The following ELK4 variants were observed in gnomAD, a reference collection of about 807,000 sequenced individuals.
The protein encoded by ELK4 is ETS domain-containing protein Elk-4.
A neutral mutation model predicts 29.6 loss-of-function variants in ELK4; 16 were observed. That is an observed-to-expected ratio of 0.54 (90% CI 0.37 to 0.82). The LOEUF is 0.82. Among genes scored for constraint, ELK4 ranks in the 40% least tolerant of loss-of-function variants. The pLI, the probability that ELK4 is intolerant of heterozygous loss-of-function variation, is 0.00. For synonymous variants in ELK4, 213 were observed against 191.1 expected, an observed-to-expected ratio of 1.11 and a Z score of -0.95; for missense variants, 465 against 507.1, an observed-to-expected ratio of 0.92 and a Z score of 0.80.
chr1:205,620,286 G>C lies in ELK4; in HGVS notation c.760C>G (p.Pro254Ala), dbSNP rs1211954609. 7 of 1,614,216 alleles carry C rather than the reference G, an allele frequency of 4.3e-6. No individual in the cohort carries two copies. Among genetic ancestry groups the C allele is most frequent in the Non-Finnish European group, 5.9e-6 (7 of 1,180,028 alleles). The change falls in exon 3 of 5, where the codon CCC becomes GCC. Residue 254 changes from proline (P) to alanine (A), a missense_variant. By Grantham distance (27) the Pro-to-Ala change is conservative. Around this residue, in one of 2 missense-constraint regions of ELK4, gnomAD observed 385 missense variants for 387.5 expected, o/e 0.99. Coordinates refer to ENST00000357992, the MANE Select transcript of ELK4 (RefSeq NM_001973.4). ...NVMTAFATTP[P>A]ISSIPPLQEP... ...TGCAAAGGGGGTATGGACGAAATGG[G>C]TGGTGTGGTGGCAAAAGCAGTCATT...
rs1254785928 is a variant in ELK4, at chr1:205,613,307, AAAATT to A, written c.*3234_*3238del. 2.6e-5 allele frequency: 5 copies of A among 192,492 alleles called. No homozygotes were observed. Among genetic ancestry groups the A allele is most frequent in the East Asian group, 2.5e-4 (3 of 12,206 alleles). The allele number at this position is 192,492 out of a possible 1,614,324, so 11.9% of individuals were successfully genotyped here. On this transcript the variant is annotated 3_prime_UTR_variant, in exon 5 of 5. Coordinates refer to ENST00000357992, the MANE Select transcript of ELK4 (RefSeq NM_001973.4). ...TAACACACCAAGACTCCATCTCTAA[AAAATT>A]AAATTAAAGGATTACTGAAAGATCT...
rs1038439090 is a variant in ELK4 at position 205,609,669 on chromosome 1, G to C, written c.*6877C>G. On this transcript the variant is annotated 3_prime_UTR_variant, in exon 5 of 5. Transcript: ENST00000357992. ...AACAAAACAATGAAATGTCAGGATT[G>C]TGTCCCCTACACAATAGACAATAAG... The C allele has an allele frequency of 7.3e-5, 15 of 206,352 alleles. No homozygotes were observed. Among genetic ancestry groups the C allele is most frequent in the African/African-American group, 3.4e-4 (15 of 43,852 alleles). 12.8% of individuals were successfully genotyped at this position (206,352 alleles called of 1,614,324 possible).
At chr1:205,619,616 T>G (rs1391696247) in intron 3 of ELK4, 1 of 1,300,862 alleles carries the variant, frequency 7.7e-7, no homozygotes, top group Non-Finnish European at 9.7e-7. Flanking sequence ...CAGGACCTAC[T>G]GTTTTCTAAC....
At position 205,623,656 on chromosome 1, in the gene ELK4, A is replaced by T; in HGVS notation, c.207+20T>A. 6.2e-7 allele frequency: 1 copy of T among 1,612,750 alleles called. No individual in the cohort carries two copies. Among genetic ancestry groups the T allele is most frequent in the East Asian group, 2.2e-5 (1 of 44,862 alleles). ...TGTCTGGAGGTTCTCTGTATAGTAT[A>T]AGATCAGGATGTGTACTACCTTTAC... On this transcript the variant is annotated intron_variant, in intron 2 of 4. Coordinates refer to ENST00000357992, the MANE Select transcript of ELK4 (RefSeq NM_001973.4).
intron 1 of ELK4, among the ~76,000 whole-genome samples, chr1:205,627,937 A>G (rs1235965566): frequency 6.6e-6 from 1 of 152,256 alleles, no homozygotes; most frequent in East Asian, 1.9e-4. Flanking sequence ...CACAGTCAGA[A>G]TTCATGGAAA....
chr1:205,619,710 T>G lies in ELK4; in HGVS notation c.1080+256A>C, dbSNP rs140938481. ...AGCGAGAGAGTGTGTGTACTTTCTT[T>G]AGGAGGAAATAGAAAAATCAAAATA... On this transcript the variant is annotated intron_variant, in intron 3 of 4. Transcript: ENST00000357992. The G allele has an allele frequency of 1.1e-4, 157 of 1,438,112 alleles. No homozygotes were observed. The East Asian group carries it at 3.7e-3, about 34-fold the overall frequency. The allele number at this position is 1,438,112 out of a possible 1,614,324, so 89.1% of individuals were successfully genotyped here.
chr1:205,613,764 A>G lies in ELK4; in HGVS notation c.*2782T>C, dbSNP rs1670189347. The G allele has an allele frequency of 4.9e-6, 1 of 202,544 alleles. No homozygotes were observed. Among genetic ancestry groups the G allele is most frequent in the Non-Finnish European group, 1.0e-5 (1 of 98,794 alleles). The allele number at this position is 202,544 out of a possible 1,614,324, so 12.5% of individuals were successfully genotyped here. On this transcript the variant is annotated 3_prime_UTR_variant, in exon 5 of 5. Coordinates refer to ENST00000357992, the MANE Select transcript of ELK4 (RefSeq NM_001973.4). Reference sequence around the variant, plus strand: ...AGAAGGAAAGCTAAGGTATCAGAGAAGATGTCTCAAAACCCCATTCAATCT... The same window carrying G: ...AGAAGGAAAGCTAAGGTATCAGAGAGGATGTCTCAAAACCCCATTCAATCT...
At chr1:205,621,844 A>T (rs1422343935) in intron 2 of ELK4, among the ~76,000 whole-genome samples, 2 of 151,956 alleles carry the variant, frequency 1.3e-5, no homozygotes, top group Non-Finnish European at 2.9e-5. Flanking sequence ...AGAACATAGT[A>T]TCTGTTAAGG....
At chr1:205,628,618 T>C (rs1275626321) in intron 1 of ELK4, among the ~76,000 whole-genome samples, 1 of 152,230 alleles carries the variant, frequency 6.6e-6, no homozygotes, top group East Asian at 1.9e-4. Flanking sequence ...GCCTCAGCTA[T>C]ACATCTAAAG....
chr1:205,612,333 G>A lies in ELK4; in HGVS notation c.*4213C>T. 1 of 213,706 alleles carries A rather than the reference G, an allele frequency of 4.7e-6. No individual in the cohort carries two copies. Among genetic ancestry groups the A allele is most frequent in the East Asian group, 7.0e-5 (1 of 14,238 alleles). 13.2% of individuals were successfully genotyped at this position (213,706 alleles called of 1,614,324 possible). ...GTCTTTAGGAAAAGCGTGTGCTTCT[G>A]GAGGGTGCACAAGACAACCAACTGG... On this transcript the variant is annotated 3_prime_UTR_variant, in exon 5 of 5. Coordinates refer to ENST00000357992, the MANE Select transcript of ELK4 (RefSeq NM_001973.4).
intron 1 of ELK4, among the ~76,000 whole-genome samples, chr1:205,626,523 G>C (rs760142496): frequency 6.6e-6 from 1 of 151,936 alleles, no homozygotes; most frequent in Non-Finnish European, 1.5e-5. Flanking sequence ...GGAAGGGACT[G>C]AAATTGCAAG....
rs1451328504 is a variant in ELK4, at chr1:205,623,900, A to T, written c.-9-9T>A. ...CTGTCCATAGCAATGAGCTGAAAGA[A>T]TATAGATAAGATATGTGATAATATT... is the stretch of plus-strand genomic sequence containing the variant. On this transcript the variant is annotated splice_polypyrimidine_tract_variant and intron_variant, in intron 1 of 4. Transcript: ENST00000357992. 6.2e-7 allele frequency: 1 copy of T among 1,612,590 alleles called. No individual in the cohort carries two copies.
intron 2 of ELK4, among the ~76,000 whole-genome samples, chr1:205,622,775 C>A (rs1670374963): frequency 6.6e-6 from 1 of 152,192 alleles, no homozygotes; most frequent in African/African-American, 2.4e-5. Context: ...CAATTCTGTA[C>A]ATATTTTTTC....
At chr1:205,616,699 T>G in intron 4 of ELK4, 55 bp from the exon 5 acceptor site, 1 of 1,504,900 alleles carries the variant, frequency 6.6e-7, no homozygotes, top group Non-Finnish European at 9.2e-7. Flanking sequence ...CAACTTTTAC[T>G]TTCTATCCTA....
Position 205,620,402 on chromosome 1 carries a change from GAAATA to G in ELK4, c.639_643del (p.Ile214SerfsTer29). The G allele has an allele frequency of 6.2e-7, 1 of 1,614,190 alleles. No homozygotes were observed. Among genetic ancestry groups the G allele is most frequent in the Non-Finnish European group, 8.5e-7 (1 of 1,180,036 alleles). ...TTGGATAGTTTCTTCTGAAGATGGA[GAAATA>G]CTTGGGCCAATTGAAATGGTGGCAG... On this transcript the variant is annotated frameshift_variant, in exon 3 of 5. Coordinates refer to ENST00000357992, the MANE Select transcript of ELK4 (RefSeq NM_001973.4). LOFTEE classifies it high-confidence loss of function.
At chr1:205,618,866 A>G (rs1670278328) in intron 4 of ELK4, 91 bp downstream of exon 4, 1 of 932,630 alleles carries the variant, frequency 1.1e-6, no homozygotes. Flanking sequence ...AAGTTTTATA[A>G]TGATTAAACT....
chr1:205,617,530 A>T (rs542392799), intron 4 of ELK4, among the ~76,000 whole-genome samples: 1 of 152,178 alleles, frequency 6.6e-6, no homozygotes, highest in East Asian at 1.9e-4. Context: ...TAAAATGTTG[A>T]TAAATTATCA....
At chr1:205,621,627 C>A (rs1670351934) in intron 2 of ELK4, among the ~76,000 whole-genome samples, 1 of 152,062 alleles carries the variant, frequency 6.6e-6, no homozygotes, top group Non-Finnish European at 1.5e-5. Flanking sequence ...TCAAGCAATT[C>A]TCCTGCCTCA....
Position 205,609,336 on chromosome 1 carries a change from T to C in ELK4, c.*7210A>G, listed in dbSNP as rs1670120299. 2 of 190,462 alleles carry C rather than the reference T, an allele frequency of 1.1e-5. No homozygotes were observed. Among genetic ancestry groups the C allele is most frequent in the Non-Finnish European group, 2.2e-5 (2 of 90,944 alleles). The allele number at this position is 190,462 out of a possible 1,614,324, so 11.8% of individuals were successfully genotyped here. On this transcript the variant is annotated 3_prime_UTR_variant, in exon 5 of 5. Coordinates refer to ENST00000357992, the MANE Select transcript of ELK4 (RefSeq NM_001973.4). ...CTTGCCTCAAACTAAAGCTAACCAG[T>C]AGCAAAATGACTGGACTGAATTTCA...
Sources: allele counts gnomAD v4.1 joint callset (sites outside exome capture counted in the v4.1 genomes callset), GRCh38; gene constraint gnomAD v4.1.1; regional missense constraint gnomAD v4.1.1; transcripts MANE v1.5; gene names NCBI Gene and HGNC (gene_info 2026-07-23, HGNC 2026-07-21).